The following RBM27 variants were observed in gnomAD, a reference collection of about 807,000 sequenced individuals.
RBM27 encodes RNA binding motif protein 27, also known as RNA-binding protein 27.
In RBM27, 22 loss-of-function variants were observed where a neutral mutation model predicts 135.3. The observed-to-expected ratio is 0.16, with a 90% CI of 0.12 to 0.23. RBM27 has a LOEUF of 0.23. RBM27 is among the 10% of genes least tolerant of loss of function. The probability of loss-of-function intolerance (pLI) is 1.00; values close to 1 mark genes in which losing one functional copy is unlikely to be tolerated. For synonymous variants in RBM27, 481 were observed against 442.4 expected, an observed-to-expected ratio of 1.09 and a Z score of -1.10; for missense variants, 1,009 against 1,281.0, an observed-to-expected ratio of 0.79 and a Z score of 3.24.
chr5:146,265,682 C>A (rs936487829), intron 14 of RBM27, among the ~76,000 whole-genome samples: 1 of 151,920 alleles, frequency 6.6e-6, no homozygotes, highest in Non-Finnish European at 1.5e-5. Flanking sequence ...TGTGATATAC[C>A]CTGAGGACAA....
At chr5:146,270,219 T>C (rs1758803925) in intron 17 of RBM27, among the ~76,000 whole-genome samples, 1 of 152,142 alleles carries the variant, frequency 6.6e-6, no homozygotes, top group Admixed American at 6.5e-5. Context: ...CTGTACTTGG[T>C]TTAGTCAGTG....
chr5:146,239,157 A>G (rs541679291), intron 8 of RBM27, among the ~76,000 whole-genome samples: 1 of 152,166 alleles, frequency 6.6e-6, no homozygotes, highest in Non-Finnish European at 1.5e-5. Flanking sequence ...GGACTGACTC[A>G]TTGCTTTGCT....
chr5:146,233,076 A>G (rs1293682339), intron 6 of RBM27, among the ~76,000 whole-genome samples: 1 of 152,198 alleles, frequency 6.6e-6, no homozygotes, highest in Non-Finnish European at 1.5e-5. Flanking sequence ...ATTGAGAGTA[A>G]ATAATCTAGG....
chr5:146,274,331 A>C (rs1479709260), intron 19 of RBM27, among the ~76,000 whole-genome samples: 1 of 151,172 alleles, frequency 6.6e-6, no homozygotes, highest in Non-Finnish European at 1.5e-5. Context: ...ATCTTAGCTC[A>C]CTACAACCTC....
At chr5:146,271,392 T>C (rs966781900) in intron 18 of RBM27, 91 bp from the exon 19 acceptor site, 19 of 1,217,752 alleles carry the variant, frequency 1.6e-5, no homozygotes, top group Non-Finnish European at 1.6e-5. Flanking sequence ...GAGAGTGAAA[T>C]TCCATCTCAA....
intron 10 of RBM27, among the ~76,000 whole-genome samples, chr5:146,257,248 A>G (rs976321177): frequency 6.6e-6 from 1 of 152,214 alleles, no homozygotes; most frequent in Non-Finnish European, 1.5e-5. Flanking sequence ...TGGAGTTGCT[A>G]AAGTTAAGAG....
In RBM27 at chr5:146,203,624, C is replaced by G. The variant is rs1462339687; in HGVS notation, c.-142C>G. ...TGGGTTAGTTCCTGTTAGGCCCCGGCCGGGGGAGTAGGTTGAAGTCTCCTA... is the reference window on the plus strand; with the variant it reads ...TGGGTTAGTTCCTGTTAGGCCCCGGGCGGGGGAGTAGGTTGAAGTCTCCTA... On this transcript the variant is annotated 5_prime_UTR_variant, in exon 1 of 21. Transcript: ENST00000265271. 8 of 725,330 alleles carry G rather than the reference C, an allele frequency of 1.1e-5. No homozygotes were observed. The highest frequency in any genetic ancestry group is 1.9e-5 in the Non-Finnish European group (8 of 431,016). The allele number at this position is 725,330 out of a possible 1,614,324, so 44.9% of individuals were successfully genotyped here.
intron 8 of RBM27, among the ~76,000 whole-genome samples, chr5:146,238,144 G>A (rs10515565): frequency 0.38 from 57,670 of 152,038 alleles, 11,492 homozygotes; most frequent in African/African-American, 0.49. Context: ...TGAAATAAAG[G>A]TAGAGCATCA....
intron 14 of RBM27, 117 bp from the exon 15 acceptor site, chr5:146,267,529 AAAG>A: frequency 9.5e-6 from 6 of 632,986 alleles, no homozygotes; most frequent in Non-Finnish European, 1.6e-5. Flanking sequence ...TTAAATGTAA[AAAG>A]AAAATTTAAC....
chr5:146,226,553 G>A (rs964719144), intron 3 of RBM27, among the ~76,000 whole-genome samples: 1 of 151,258 alleles, frequency 6.6e-6, no homozygotes, highest in Non-Finnish European at 1.5e-5. Flanking sequence ...TAATTTTTTT[G>A]TATTTTTAGT....
intron 2 of RBM27, among the ~76,000 whole-genome samples, chr5:146,221,369 C>A (rs1561528500): frequency 6.6e-6 from 1 of 152,192 alleles, no homozygotes; most frequent in Non-Finnish European, 1.5e-5. Context: ...TCTGTACTTT[C>A]CATTTCAGTA....
chr5:146,208,869 GTAT>G (rs1561520328), intron 1 of RBM27, among the ~76,000 whole-genome samples: 4 of 152,264 alleles, frequency 2.6e-5, no homozygotes, highest in South Asian at 2.1e-4. Context: ...GTATAAATAT[GTAT>G]TATTCACTGC....
chr5:146,205,697 GA>G (rs949229841), intron 1 of RBM27, among the ~76,000 whole-genome samples: 8 of 151,934 alleles, frequency 5.3e-5, no homozygotes, highest in Admixed American at 2.0e-4. Flanking sequence ...GGAAAAGGTT[GA>G]AAAAAGAAAA....
At chr5:146,234,288 A>G (rs1757070440) in intron 7 of RBM27, among the ~76,000 whole-genome samples, 1 of 152,192 alleles carries the variant, frequency 6.6e-6, no homozygotes, top group Non-Finnish European at 1.5e-5. Context: ...AATTTTTTTT[A>G]TTACAGACAT....
chr5:146,203,613 T>G lies in RBM27; in HGVS notation c.-153T>G. 1 of 677,010 alleles carries G rather than the reference T, an allele frequency of 1.5e-6. No individual in the cohort carries two copies. The highest frequency in any genetic ancestry group is 2.9e-5 in the East Asian group (1 of 35,068). 41.9% of individuals were successfully genotyped at this position (677,010 alleles called of 1,614,324 possible). ...GTGAGGGCTCTTGGGTTAGTTCCTG[T>G]TAGGCCCCGGCCGGGGGAGTAGGTT... On this transcript the variant is annotated 5_prime_UTR_variant, in exon 1 of 21. Transcript: ENST00000265271.
chr5:146,258,690 A>G (rs995725819), intron 11 of RBM27, 97 bp downstream of exon 11: 13 of 1,146,128 alleles, frequency 1.1e-5, no homozygotes, highest in Non-Finnish European at 1.5e-5. Flanking sequence ...ATGTTTTTCA[A>G]ACTAGGTATC....
At chr5:146,244,908 C>G (rs543209963) in intron 8 of RBM27, among the ~76,000 whole-genome samples, 1 of 151,884 alleles carries the variant, frequency 6.6e-6, no homozygotes, top group Non-Finnish European at 1.5e-5. Flanking sequence ...GGGTCTTGCT[C>G]TGTTGCCCAG....
At chr5:146,270,170 T>C (rs1309534097) in intron 17 of RBM27, among the ~76,000 whole-genome samples, 7 of 152,158 alleles carry the variant, frequency 4.6e-5, no homozygotes, top group Admixed American at 4.6e-4. Flanking sequence ...TTTAGATCTA[T>C]TTAAGTCTAA....
intron 9 of RBM27, among the ~76,000 whole-genome samples, chr5:146,252,983 T>G (rs1757960046): frequency 6.6e-6 from 1 of 152,078 alleles, no homozygotes; most frequent in South Asian, 2.1e-4. Context: ...TTATTTGTTT[T>G]TATTTATTTA....
Sources: gnomAD v4.1 joint callset for allele counts (sites outside exome capture counted in the v4.1 genomes callset) on GRCh38, gnomAD v4.1.1 for gene constraint, MANE v1.5 for transcripts, NCBI Gene and HGNC (gene_info 2026-07-23, HGNC 2026-07-21) for gene names.